Variants in RBPJ observed in about 807,000 individuals in gnomAD.
RBPJ encodes the protein recombining binding protein suppressor of hairless.
RBPJ carries 9 observed loss-of-function variants against 67.8 expected under a neutral mutation model. That is an observed-to-expected ratio of 0.13 (90% CI 0.08 to 0.23). The LOEUF (loss-of-function observed/expected upper bound fraction) is 0.23, where lower values mean the gene tolerates loss of function less well. Among genes scored for constraint, RBPJ ranks in the 10% least tolerant of loss-of-function variants. RBPJ has a pLI of 1.00. For synonymous variants in RBPJ, 198 were observed against 203.3 expected (o/e 0.97, Z 0.22); for missense variants, 305 against 595.6 (o/e 0.51, Z 5.08).
At chr4:26,285,573 G>A (rs1050249426) in intron 1 of RBPJ, among the ~76,000 whole-genome samples, 1 of 149,910 alleles carries the variant, frequency 6.7e-6, no homozygotes, top group Non-Finnish European at 1.5e-5. Flanking sequence ...GTGAGAGAAG[G>A]GAGACAAAAC....
chr4:26,189,219 T>C (rs1273322490), intron 1 of RBPJ, among the ~76,000 whole-genome samples: 1 of 152,086 alleles, frequency 6.6e-6, no homozygotes, highest in East Asian at 1.9e-4. Flanking sequence ...CCTGTCTCTA[T>C]ATTAAAAACA....
At chr4:26,342,099 G>A (rs1456710010) in intron 1 of RBPJ, among the ~76,000 whole-genome samples, 5 of 152,092 alleles carry the variant, frequency 3.3e-5, no homozygotes, top group African/African-American at 9.7e-5. Flanking sequence ...GACACAAAAG[G>A]TCTGCAGTGG....
intron 1 of RBPJ, among the ~76,000 whole-genome samples, chr4:26,259,397 A>C (rs1475620447): frequency 6.6e-6 from 1 of 152,178 alleles, no homozygotes; most frequent in Non-Finnish European, 1.5e-5. Context: ...TATCCCAAAA[A>C]ACTGTCACCA....
chr4:26,295,004 T>C (rs1055101528), intron 1 of RBPJ, among the ~76,000 whole-genome samples: 2 of 152,180 alleles, frequency 1.3e-5, no homozygotes, highest in Non-Finnish European at 2.9e-5. Context: ...CTGGAGGGTA[T>C]TACTCTGTTC....
At chr4:26,339,588 C>G (rs900227203) in intron 1 of RBPJ, among the ~76,000 whole-genome samples, 1 of 152,132 alleles carries the variant, frequency 6.6e-6, no homozygotes, top group Non-Finnish European at 1.5e-5. Flanking sequence ...GAGCTGAGAT[C>G]GTGCCACTGC....
At chr4:26,371,044 C>T (rs1253295105) in intron 1 of RBPJ, among the ~76,000 whole-genome samples, 1 of 150,004 alleles carries the variant, frequency 6.7e-6, no homozygotes, top group South Asian at 2.1e-4. Flanking sequence ...TGCGCCACTG[C>T]ACTCCAGCCT....
At chr4:26,254,756 C>A (rs1720234587) in intron 1 of RBPJ, among the ~76,000 whole-genome samples, 1 of 144,848 alleles carries the variant, frequency 6.9e-6, no homozygotes, top group Non-Finnish European at 1.5e-5. Context: ...CGGCTCACTG[C>A]AGCCTCTGCC....
the RBPJ span, among the ~76,000 whole-genome samples, chr4:26,109,513 T>TATACAC: frequency 2.1e-5 from 1 of 47,474 alleles, no homozygotes; most frequent in Non-Finnish European, 4.0e-5. Flanking sequence ...TATATATATA[T>TATACAC]ACACACACAC....
At chr4:26,323,994 A>G (rs1723357245) in intron 1 of RBPJ, among the ~76,000 whole-genome samples, 1 of 152,172 alleles carries the variant, frequency 6.6e-6, no homozygotes, top group African/African-American at 2.4e-5. Flanking sequence ...ATTGACTAAA[A>G]GTTGTTATTT....
At chr4:26,325,080 T>G (rs1233456276) in intron 1 of RBPJ, among the ~76,000 whole-genome samples, 1 of 152,200 alleles carries the variant, frequency 6.6e-6, no homozygotes, top group African/African-American at 2.4e-5. Flanking sequence ...TGCTTCTCTG[T>G]TCTTGGTAGA....
intron 1 of RBPJ, among the ~76,000 whole-genome samples, chr4:26,276,098 A>C (rs1243115560): frequency 3.3e-5 from 5 of 149,886 alleles, no homozygotes; most frequent in African/African-American, 9.8e-5. Flanking sequence ...AACATGGTGA[A>C]ACCGCATCTC....
At chr4:26,315,465 C>CTGAGG (rs1722581395), upstream of RBPJ, among the ~76,000 whole-genome samples, 1 of 151,820 alleles carries the variant, frequency 6.6e-6, no homozygotes, top group African/African-American at 2.4e-5. Context: ...TCACATACTT[C>CTGAGG]AAACGGCAAA....
intron 1 of RBPJ, among the ~76,000 whole-genome samples, chr4:26,290,317 TAAAAA>T (rs35451160): frequency 1.8e-5 from 2 of 109,368 alleles, no homozygotes; most frequent in African/African-American, 3.8e-5. Context: ...AGACCCTGTC[TAAAAA>T]AAAAAAAAAA....
At chr4:26,143,387 C>G in the RBPJ span, among the ~76,000 whole-genome samples, 2 of 152,206 alleles carry the variant, frequency 1.3e-5, no homozygotes, top group African/African-American at 4.8e-5. Flanking sequence ...TCTCGCAAAG[C>G]GTAAAAGCCA....
chr4:26,403,655 G>A (rs573416436), intron 2 of RBPJ, among the ~76,000 whole-genome samples: 280 of 151,944 alleles, frequency 1.8e-3, no homozygotes, highest in Non-Finnish European at 2.8e-3. Context: ...TTGTTCCTGC[G>A]TTAGTTTGCT....
chr4:26,257,436 C>A (rs182708628), intron 1 of RBPJ, among the ~76,000 whole-genome samples: 17 of 152,298 alleles, frequency 1.1e-4, no homozygotes, highest in African/African-American at 4.1e-4. Flanking sequence ...TTGAGACAAG[C>A]CTGACCAACA....
chr4:26,412,586 A>G (rs769599713), intron 3 of RBPJ, among the ~76,000 whole-genome samples: 9 of 152,298 alleles, frequency 5.9e-5, no homozygotes, highest in Admixed American at 3.9e-4. Flanking sequence ...CAAACAATCC[A>G]AGGTCTGGGG....
At chr4:26,204,780 CA>C (rs762432186) in intron 1 of RBPJ, among the ~76,000 whole-genome samples, 8 of 152,170 alleles carry the variant, frequency 5.3e-5, no homozygotes, top group Non-Finnish European at 7.3e-5. Flanking sequence ...ATACAGCATA[CA>C]AAGTGCTTAG....
the RBPJ span, among the ~76,000 whole-genome samples, chr4:26,136,355 A>T: frequency 5.9e-5 from 9 of 152,250 alleles, 1 homozygote; most frequent in Admixed American, 5.9e-4. Flanking sequence ...GCACACCCCC[A>T]ATGCTGAACC....
Sources: allele counts gnomAD v4.1 joint callset (sites outside exome capture counted in the v4.1 genomes callset), GRCh38; gene constraint gnomAD v4.1.1; transcripts MANE v1.5; gene names NCBI Gene and HGNC (gene_info 2026-07-23, HGNC 2026-07-21).